Variants in EYS observed in about 807,000 individuals in gnomAD.
The protein encoded by EYS is protein eyes shut homolog.
In EYS, 250 loss-of-function variants were observed where a neutral mutation model predicts 282.1. The ratio of observed to expected loss-of-function variants is 0.89; its 90% CI spans 0.80 to 0.98. The LOEUF (loss-of-function observed/expected upper bound fraction) is 0.98, where lower values mean the gene tolerates loss of function less well. Ranked by LOEUF, EYS falls within the 50% of genes least tolerant of loss-of-function variation. The pLI is 0.00. For synonymous variants in EYS, 1,355 were observed against 1,282.9 expected (o/e 1.06, Z -1.20); for missense variants, 4,016 against 3,709.0 (o/e 1.08, Z -2.15).
chr6:64,571,274 C>T (rs1340701718), intron 26 of EYS, among the ~76,000 whole-genome samples: 18 of 149,758 alleles, frequency 1.2e-4, no homozygotes, highest in Admixed American at 8.0e-4. Context: ...TGGGACACTC[C>T]TTAGTGTTTA....
chr6:64,106,987 T>A (rs1269827404), intron 31 of EYS, among the ~76,000 whole-genome samples: 1 of 151,678 alleles, frequency 6.6e-6, no homozygotes, highest in Non-Finnish European at 1.5e-5. Context: ...TTCATTTTTG[T>A]TATAGTATTT....
chr6:64,317,091 G>C (rs923708395), intron 29 of EYS, among the ~76,000 whole-genome samples: 4 of 152,034 alleles, frequency 2.6e-5, no homozygotes, highest in Admixed American at 2.0e-4. Context: ...TTAAATGTAA[G>C]ATCTAAAACC....
intron 31 of EYS, among the ~76,000 whole-genome samples, chr6:64,106,378 T>C (rs1773012843): frequency 6.6e-6 from 1 of 152,112 alleles, no homozygotes; most frequent in Non-Finnish European, 1.5e-5. Flanking sequence ...GCAGATACAA[T>C]AGAAAAAATA....
In EYS at chr6:63,741,994, G is replaced by T. The variant is rs760158141; in HGVS notation, c.8072-15314C>A. ...ATAAGTGCTAAGAAGACAAGAGAAGGGTCTTTTTTGTCTGCTGCTATTTGT... is the reference window on the plus strand; with the variant it reads ...ATAAGTGCTAAGAAGACAAGAGAAGTGTCTTTTTTGTCTGCTGCTATTTGT... On this transcript the variant is annotated intron_variant, in intron 41 of 42. Coordinates refer to ENST00000503581, the MANE Select transcript of EYS (RefSeq NM_001142800.2). 5.7e-6 allele frequency: 4 copies of T among 701,716 alleles called. No homozygotes were observed. In the South Asian group the frequency reaches 5.9e-5, roughly 10 times the overall value. 43.5% of individuals were successfully genotyped at this position (701,716 alleles called of 1,614,324 possible). A position where few individuals can be genotyped will look rare whatever the true frequency, so the allele number is the denominator to read the frequency against.
At chr6:64,467,981 G>A (rs895813089) in intron 26 of EYS, among the ~76,000 whole-genome samples, 16 of 151,962 alleles carry the variant, frequency 1.1e-4, no homozygotes, top group African/African-American at 3.9e-4. Context: ...TTAACAACAT[G>A]TATACTACTT....
chr6:64,446,199 A>C (rs948697667), intron 26 of EYS, among the ~76,000 whole-genome samples: 5 of 152,060 alleles, frequency 3.3e-5, no homozygotes, highest in African/African-American at 1.2e-4. Flanking sequence ...GCCAGCTTTT[A>C]TTTTTCACAT....
Position 65,519,292 on chromosome 6 carries a change from T to TTG in EYS, c.-332-23301_-332-23300dup, listed in dbSNP as rs559514333. On this transcript the variant is annotated intron_variant, in intron 2 of 42. Transcript: ENST00000503581. ...TATACATTGTTGCCTCTGTGTGTGTTTGTGTGTGTGTGTGTGGCGGTGGTG... is the reference window on the plus strand; with the variant it reads ...TATACATTGTTGCCTCTGTGTGTGTTTGTGTGTGTGTGTGTGTGGCGGTGGTG... Among the ~76,000 whole-genome samples the TTG allele has an allele frequency of 6.0e-3, 907 of 150,384 alleles. 8 individuals are homozygous for TTG. Among genetic ancestry groups the TTG allele is most frequent in the African/African-American group, 0.02 (804 of 41,102 alleles).
intron 11 of EYS, among the ~76,000 whole-genome samples, chr6:65,306,103 T>C (rs1234823526): frequency 6.6e-6 from 1 of 152,118 alleles, no homozygotes; most frequent in African/African-American, 2.4e-5. Context: ...AAAGGAGATA[T>C]GTTGTATATA....
intron 30 of EYS, among the ~76,000 whole-genome samples, chr6:64,246,072 T>C (rs1767009869): frequency 6.8e-6 from 1 of 147,850 alleles, no homozygotes; most frequent in Non-Finnish European, 1.5e-5. Context: ...CATAATAGGT[T>C]TTGTCCATTA....
chr6:65,525,428 A>G (rs972080323), intron 2 of EYS, among the ~76,000 whole-genome samples: 3 of 152,158 alleles, frequency 2.0e-5, no homozygotes, highest in African/African-American at 7.2e-5. Flanking sequence ...GTCACTTCCA[A>G]GTGCCTGGCC....
Position 65,110,227 on chromosome 6 carries a change from G to A in EYS, c.2024-52500C>T, listed in dbSNP as rs1041187990. 2.6e-5 allele frequency among the ~76,000 whole-genome samples: 4 copies of A among 151,874 alleles called. 1 individual carries two copies. The highest frequency in any genetic ancestry group is 4.4e-5 in the Non-Finnish European group (3 of 67,952). On this transcript the variant is annotated intron_variant, in intron 12 of 42. Transcript: ENST00000503581. The stretch of plus-strand genomic sequence containing the variant: ...CAAAATTCTGTTCTCTTTTCATTCC[G>A]TTTACATTGTTCATTCATTAATCAT...
intron 6 of EYS, among the ~76,000 whole-genome samples, chr6:65,403,885 G>T (rs1231921521): frequency 1.3e-5 from 2 of 151,826 alleles, no homozygotes; most frequent in African/African-American, 4.8e-5. Flanking sequence ...CATTTTAAAC[G>T]ATACTATTAA....
intron 26 of EYS, among the ~76,000 whole-genome samples, chr6:64,540,469 G>A (rs1764667238): frequency 7.1e-6 from 1 of 141,790 alleles, no homozygotes; most frequent in South Asian, 2.3e-4. Flanking sequence ...TGAGGTCCAA[G>A]TACAGATTTT....
chr6:65,560,232 ATAT>A (rs1768988801), intron 2 of EYS, among the ~76,000 whole-genome samples: 4 of 145,240 alleles, frequency 2.8e-5, no homozygotes, highest in Admixed American at 2.1e-4. Flanking sequence ...TAATTATAAT[ATAT>A]TATAATTATA....
At chr6:65,148,059 C>T (rs1456267495) in intron 12 of EYS, among the ~76,000 whole-genome samples, 17 of 151,966 alleles carry the variant, frequency 1.1e-4, no homozygotes, top group African/African-American at 3.6e-4. Flanking sequence ...AGATGAGATT[C>T]GGGTGAGCGC....
intron 22 of EYS, among the ~76,000 whole-genome samples, chr6:64,776,259 C>T (rs1385632018): frequency 2.0e-5 from 3 of 151,984 alleles, no homozygotes; most frequent in African/African-American, 7.2e-5. Context: ...GCCAGATATG[C>T]TTTTCCTATT....
intron 7 of EYS, among the ~76,000 whole-genome samples, chr6:65,387,463 G>A (rs1157088799): frequency 2.0e-5 from 3 of 151,178 alleles, no homozygotes; most frequent in Middle Eastern, 3.5e-3. Flanking sequence ...AAAATATTAA[G>A]AAAAGCCCAT....
At chr6:64,786,279 C>G (rs866886853) in intron 22 of EYS, among the ~76,000 whole-genome samples, 2 of 150,100 alleles carry the variant, frequency 1.3e-5, no homozygotes, top group Non-Finnish European at 3.0e-5. Flanking sequence ...CTCCCCTGTA[C>G]AGAGACAGAG....
intron 24 of EYS, among the ~76,000 whole-genome samples, chr6:64,606,233 A>G (rs1766932412): frequency 6.6e-6 from 1 of 151,992 alleles, no homozygotes; most frequent in Non-Finnish European, 1.5e-5. Context: ...ATAACCTCAC[A>G]TCTTTCCATT....
Sources: gnomAD v4.1 joint callset for allele counts (sites outside exome capture counted in the v4.1 genomes callset) on GRCh38, gnomAD v4.1.1 for gene constraint, MANE v1.5 for transcripts, NCBI Gene and HGNC (gene_info 2026-07-23, HGNC 2026-07-21) for gene names.